The following JAKMIP3 variants were observed in gnomAD, a reference collection of about 807,000 sequenced individuals.
The protein encoded by JAKMIP3 is Janus kinase and microtubule interacting protein 3.
In JAKMIP3, 58 loss-of-function variants were observed where a neutral mutation model predicts 118.5. That is an observed-to-expected ratio of 0.49 (90% CI 0.40 to 0.61). The LOEUF is 0.61. Among genes scored for constraint, JAKMIP3 ranks in the 20% least tolerant of loss-of-function variants. The pLI, the probability that JAKMIP3 is intolerant of heterozygous loss-of-function variation, is 0.00. For synonymous variants in JAKMIP3, 486 were observed against 451.2 expected (o/e 1.08, Z -0.98); for missense variants, 950 against 1,109.0 (o/e 0.86, Z 2.04).
intron 1 of JAKMIP3, among the ~76,000 whole-genome samples, chr10:132,066,606 C>T (rs191088225): frequency 3.9e-5 from 6 of 152,190 alleles, no homozygotes; most frequent in African/African-American, 1.4e-4. Context: ...CACCTACCTG[C>T]GCATTGATTG....
chr10:132,139,314 ATGTG>A (rs1204140369), intron 9 of JAKMIP3, among the ~76,000 whole-genome samples: 5 of 91,090 alleles, frequency 5.5e-5, no homozygotes, highest in Admixed American at 4.3e-4. Context: ...GTGAGTGTGT[ATGTG>A]TATGTGTGTG....
At position 132,044,066 on chromosome 10, in the gene JAKMIP3, G is replaced by A. The variant is rs2037837527; in HGVS notation, c.-138+7328G>A. 6.6e-6 allele frequency among the ~76,000 whole-genome samples: 1 copy of A among 152,224 alleles called. No individual in the cohort carries two copies. The highest frequency in any genetic ancestry group is 2.4e-5 in the African/African-American group (1 of 41,466). On this transcript the variant is annotated intron_variant, in intron 1 of 23. Transcript: ENST00000657785. This position sits in a 1 kb window ranked among gnomAD's most constrained non-coding sequence, Gnocchi z 5.3. ...GGCTCTCAGGCAGTTCAGATACCGT[G>A]TGTGCAGTGGCGCTTGTGGCCCACC...
chr10:132,047,832 G>A (rs571235033), intron 1 of JAKMIP3, among the ~76,000 whole-genome samples: 1 of 106,426 alleles, frequency 9.4e-6, no homozygotes, highest in Non-Finnish European at 2.2e-5. Flanking sequence ...CCCCCACCCC[G>A]CCACGAGCTT....
At chr10:132,108,774 G>A (rs904930729) in intron 2 of JAKMIP3, among the ~76,000 whole-genome samples, 4 of 151,666 alleles carry the variant, frequency 2.6e-5, no homozygotes, top group African/African-American at 7.3e-5. Context: ...AGGCTGAGGC[G>A]GGAGAATCGC....
At chr10:132,177,389 T>G (rs1272899906) in intron 23 of JAKMIP3, among the ~76,000 whole-genome samples, 4 of 152,166 alleles carry the variant, frequency 2.6e-5, no homozygotes, top group Admixed American at 1.3e-4. Flanking sequence ...TGCCAGTGTG[T>G]GGGGGGAGTG....
chr10:132,143,298 G>T (rs1162225233), intron 11 of JAKMIP3, among the ~76,000 whole-genome samples: 1 of 152,180 alleles, frequency 6.6e-6, no homozygotes, highest in East Asian at 1.9e-4. Context: ...TCGGTTCAGA[G>T]CATCATAAAG....
chr10:132,155,534 G>C (rs891045098), intron 19 of JAKMIP3, among the ~76,000 whole-genome samples: 7 of 152,336 alleles, frequency 4.6e-5, no homozygotes, highest in Admixed American at 4.6e-4. Context: ...CAGGCACCTA[G>C]CATCCTGGGT....
chr10:132,125,329 C>T (rs1377837227), intron 3 of JAKMIP3, among the ~76,000 whole-genome samples: 8 of 152,220 alleles, frequency 5.3e-5, no homozygotes, highest in Non-Finnish European at 1.0e-4. Context: ...TTGAAATGAC[C>T]GTCCTTTCCC....
At position 132,180,770 on chromosome 10, in the gene JAKMIP3, CGTGTGTGTGTGTGCGCGT is replaced by C. The variant is rs2061279574; in HGVS notation, c.*1104-1586_*1104-1569del. 1.1e-4 allele frequency among the ~76,000 whole-genome samples: 6 copies of C among 52,200 alleles called. 1 individual carries two copies. The highest frequency in any genetic ancestry group is 1.8e-4 in the Admixed American group (1 of 5,712). 34.2% of individuals were successfully genotyped at this position (52,200 alleles called of 152,430 possible). A position where few individuals can be genotyped will look rare whatever the true frequency, so the allele number is the denominator to read the frequency against. ...GCGCGCGCGTGTGTGCGTGTGTGTG[CGTGTGTGTGTGTGCGCGT>C]ATGCATGTGCTGTGAGTGGTGTGTT... On this transcript the variant is annotated intron_variant, in intron 23 of 23. Coordinates refer to ENST00000684848, the MANE Select transcript of JAKMIP3 (RefSeq NM_001323087.2).
rs28667652 is a variant in JAKMIP3, at chr10:132,044,316, G to T, written c.-138+7578G>T. Among the ~76,000 whole-genome samples, 3,664 of 152,350 alleles carry T rather than the reference G, an allele frequency of 0.024. 175 individuals are homozygous for T. Among genetic ancestry groups the T allele is most frequent in the Admixed American group, 0.11 (1,741 of 15,302 alleles). ...GTCAACACAGACACAGTCCCTGCCTGCTGGGAGTGGCCAGTGGCTGAGACA... is the reference window on the plus strand; with the variant it reads ...GTCAACACAGACACAGTCCCTGCCTTCTGGGAGTGGCCAGTGGCTGAGACA... On this transcript the variant is annotated intron_variant, in intron 1 of 23. Coordinates refer to the JAKMIP3 transcript ENST00000657785. This position sits in a 1 kb window ranked among gnomAD's most constrained non-coding sequence, Gnocchi z 5.3.
chr10:132,142,470 CTG>C (rs1297800547), intron 11 of JAKMIP3, among the ~76,000 whole-genome samples: 1 of 147,906 alleles, frequency 6.8e-6, no homozygotes, highest in African/African-American at 2.6e-5. Flanking sequence ...CTCACACAGG[CTG>C]TGCCTGCCCC....
At chr10:132,129,245 G>A (rs1175577860) in intron 3 of JAKMIP3, among the ~76,000 whole-genome samples, 1 of 152,132 alleles carries the variant, frequency 6.6e-6, no homozygotes, top group Non-Finnish European at 1.5e-5. Context: ...TCCTGCCCCT[G>A]GAGTGTAGCC....
intron 1 of JAKMIP3, among the ~76,000 whole-genome samples, chr10:132,037,145 G>A (rs2037535349): frequency 6.6e-6 from 1 of 152,260 alleles, no homozygotes; most frequent in African/African-American, 2.4e-5. Context: ...TTTCAGGGAT[G>A]GCCAGCGTGG....
At chr10:132,133,655 TGGG>T in intron 4 of JAKMIP3, 128 bp downstream of exon 4, 2 of 836,680 alleles carry the variant, frequency 2.4e-6, no homozygotes, top group Non-Finnish European at 3.7e-6. Context: ...CCCTCCTGCC[TGGG>T]CACCTCCCCA....
chr10:132,139,189 T>A (rs12767698), intron 9 of JAKMIP3, among the ~76,000 whole-genome samples: 2 of 91,078 alleles, frequency 2.2e-5, no homozygotes, highest in Admixed American at 1.1e-4. Context: ...TCTGTGTATG[T>A]GTGTGTATGA....
intron 1 of JAKMIP3, among the ~76,000 whole-genome samples, chr10:132,100,945 A>G (rs903058959): frequency 1.3e-5 from 2 of 152,076 alleles, no homozygotes; most frequent in South Asian, 2.1e-4. Flanking sequence ...CACTTGGGGG[A>G]GATTCACACC....
rs2059190652 is a variant in JAKMIP3 at position 132,168,817 on chromosome 10, C to T, written c.*887C>T. 1 of 216,840 alleles carries T rather than the reference C, an allele frequency of 4.6e-6. No homozygotes were observed. The highest frequency in any genetic ancestry group is 6.2e-5 in the South Asian group (1 of 16,030). 13.4% of individuals were successfully genotyped at this position (216,840 alleles called of 1,614,324 possible). On this transcript the variant is annotated 3_prime_UTR_variant, in exon 23 of 24. Coordinates refer to ENST00000684848, the MANE Select transcript of JAKMIP3 (RefSeq NM_001323087.2). ...GTGAATCTCCAGAAGTCACAGAGGC[C>T]CTGGGCACCCAGAGCCACCCAGCCT...
chr10:132,063,015 G>A (rs2133857687), upstream of JAKMIP3, among the ~76,000 whole-genome samples: 1 of 152,314 alleles, frequency 6.6e-6, no homozygotes, highest in Non-Finnish European at 1.5e-5. Context: ...GGTCTGAGAG[G>A]CCCCCGAGGA....
intron 14 of JAKMIP3, among the ~76,000 whole-genome samples, chr10:132,148,369 A>C (rs1015190788): frequency 1.3e-5 from 2 of 152,132 alleles, no homozygotes; most frequent in African/African-American, 4.8e-5. Flanking sequence ...TCATGCAGGG[A>C]AAACAAAACA....
Sources: gnomAD v4.1 joint callset for allele counts (sites outside exome capture counted in the v4.1 genomes callset) on GRCh38, gnomAD v4.1.1 for gene constraint, Gnocchi (gnomAD v3.1) non-coding constraint, MANE v1.5 for transcripts, NCBI Gene and HGNC (gene_info 2026-07-23, HGNC 2026-07-21) for gene names.